Variants in EDIL3 observed in about 807,000 individuals in gnomAD.
The protein encoded by EDIL3 is EGF like and discoidin domains 3, also known as EGF-like repeat and discoidin I-like domain-containing protein 3.
EDIL3 carries 37 observed loss-of-function variants against 67.4 expected under a neutral mutation model. The ratio of observed to expected loss-of-function variants is 0.55; its 90% CI spans 0.42 to 0.72. The LOEUF (loss-of-function observed/expected upper bound fraction) is 0.72. EDIL3 is among the 30% of genes least tolerant of loss of function. EDIL3 has a pLI of 0.00. For missense variants in EDIL3, 527 were observed against 586.3 expected, an observed-to-expected ratio of 0.90 and a Z score of 1.04; for synonymous variants, 195 against 196.3, an observed-to-expected ratio of 0.99 and a Z score of 0.05.
At chr5:84,323,000 A>C (rs1480443124) in intron 1 of EDIL3, among the ~76,000 whole-genome samples, 2 of 152,008 alleles carry the variant, frequency 1.3e-5, no homozygotes, top group African/African-American at 4.8e-5. Context: ...ATTGACACAT[A>C]TCCAGATCAA....
rs1049536330 is a variant in EDIL3, at chr5:83,985,325, GA to G, written c.1138-21966del. 1.6e-4 allele frequency among the ~76,000 whole-genome samples: 25 copies of G among 151,650 alleles called. No homozygotes were observed. In the East Asian group the frequency reaches 1.7e-3, roughly 11 times the overall value. ...AAGTCTTGGTGAGGCATAACTGCTG[GA>G]AAAAAAATGTATATTTTTGTATCAA... On this transcript the variant is annotated intron_variant, in intron 9 of 10. Coordinates refer to ENST00000296591, the MANE Select transcript of EDIL3 (RefSeq NM_005711.5).
intron 9 of EDIL3, among the ~76,000 whole-genome samples, chr5:83,971,597 T>A (rs1400366402): frequency 6.6e-6 from 1 of 151,516 alleles, no homozygotes; most frequent in Admixed American, 6.6e-5. Flanking sequence ...CCACTTAAAA[T>A]TTTTTTTTCA....
intron 3 of EDIL3, among the ~76,000 whole-genome samples, chr5:84,184,031 G>A (rs183437170): frequency 3.2e-4 from 48 of 152,212 alleles, no homozygotes; most frequent in African/African-American, 1.0e-3. Flanking sequence ...GCTTTAACCC[G>A]GGAGATGGTG....
chr5:84,018,553 G>C (rs1745649764), intron 9 of EDIL3, among the ~76,000 whole-genome samples: 1 of 152,090 alleles, frequency 6.6e-6, no homozygotes, highest in Admixed American at 6.6e-5. Flanking sequence ...CTACTATCAA[G>C]AGTCAAAAAG....
At chr5:84,145,777 A>G (rs142975535) in intron 4 of EDIL3, among the ~76,000 whole-genome samples, 138 of 151,938 alleles carry the variant, frequency 9.1e-4, no homozygotes, top group African/African-American at 3.2e-3. Flanking sequence ...AATATTTGAG[A>G]CATATTTATA....
chr5:83,965,864 T>C (rs967158504), intron 9 of EDIL3, among the ~76,000 whole-genome samples: 3 of 152,042 alleles, frequency 2.0e-5, no homozygotes, highest in Non-Finnish European at 4.4e-5. Context: ...GATTTTGTCC[T>C]AAAATTTGCG....
intron 6 of EDIL3, among the ~76,000 whole-genome samples, chr5:84,073,796 T>C (rs371276946): frequency 4.6e-5 from 7 of 151,656 alleles, no homozygotes; most frequent in African/African-American, 9.7e-5. Flanking sequence ...AGATTCAATG[T>C]CATCCCCATC....
chr5:84,130,661 C>A (rs1218779915), intron 5 of EDIL3, among the ~76,000 whole-genome samples: 4 of 151,990 alleles, frequency 2.6e-5, no homozygotes, highest in Non-Finnish European at 5.9e-5. Flanking sequence ...TAATCTCTGA[C>A]CACTTTTTAA....
At chr5:84,289,434 CTTA>C (rs1745871967) in intron 1 of EDIL3, among the ~76,000 whole-genome samples, 1 of 152,150 alleles carries the variant, frequency 6.6e-6, no homozygotes, top group Non-Finnish European at 1.5e-5. Flanking sequence ...CCTCTGAGTT[CTTA>C]TTATTTCCAT....
chr5:84,195,337 T>C (rs1743684095), intron 3 of EDIL3, among the ~76,000 whole-genome samples: 1 of 151,956 alleles, frequency 6.6e-6, no homozygotes, highest in Admixed American at 6.6e-5. Flanking sequence ...TTAAATACAG[T>C]AGGTCTGAAC....
At chr5:84,161,554 C>A (rs1008960952) in intron 4 of EDIL3, among the ~76,000 whole-genome samples, 15 of 152,042 alleles carry the variant, frequency 9.9e-5, no homozygotes, top group Admixed American at 8.5e-4. Context: ...TGAATCAAAT[C>A]TTGAGGAAGC....
At chr5:84,174,349 G>C (rs1748863239) in intron 4 of EDIL3, among the ~76,000 whole-genome samples, 2 of 152,264 alleles carry the variant, frequency 1.3e-5, no homozygotes, top group Admixed American at 1.3e-4. Flanking sequence ...ACTATATATT[G>C]GACAAATAAG....
At chr5:83,996,925 T>C (rs2112165219) in intron 9 of EDIL3, among the ~76,000 whole-genome samples, 1 of 152,324 alleles carries the variant, frequency 6.6e-6, no homozygotes, top group Admixed American at 6.5e-5. Context: ...AATTCATACA[T>C]ACATTTAAGT....
chr5:84,031,290 T>A (rs1047053656), intron 9 of EDIL3, among the ~76,000 whole-genome samples: 1 of 152,250 alleles, frequency 6.6e-6, no homozygotes, highest in South Asian at 2.1e-4. Flanking sequence ...GCTGATTTTT[T>A]AAAATATGAA....
intron 5 of EDIL3, among the ~76,000 whole-genome samples, chr5:84,119,211 G>GT (rs1747726886): frequency 1.3e-3 from 65 of 49,378 alleles, no homozygotes; most frequent in African/African-American, 3.8e-3. Flanking sequence ...ACATGCATTT[G>GT]GTTTTTTTTT....
At chr5:84,105,107 T>G (rs903455298) in intron 6 of EDIL3, among the ~76,000 whole-genome samples, 2 of 152,108 alleles carry the variant, frequency 1.3e-5, no homozygotes, top group Non-Finnish European at 2.9e-5. Context: ...TCTGGAATGA[T>G]TATTCATTAG....
At chr5:84,048,363 A>G (rs918574226) in intron 9 of EDIL3, 9 of 296,260 alleles carry the variant, frequency 3.0e-5, no homozygotes, top group African/African-American at 1.8e-4. Flanking sequence ...TAAAAATCTG[A>G]CATGGACTAA....
At chr5:84,105,658 C>T (rs1370105988) in intron 6 of EDIL3, among the ~76,000 whole-genome samples, 1 of 151,934 alleles carries the variant, frequency 6.6e-6, no homozygotes, top group African/African-American at 2.4e-5. Flanking sequence ...AAGGCTAATA[C>T]CTTTTAGTAT....
intron 10 of EDIL3, among the ~76,000 whole-genome samples, chr5:83,944,355 T>C (rs560993948): frequency 6.6e-6 from 1 of 151,980 alleles, no homozygotes; most frequent in South Asian, 2.1e-4. Context: ...CCTGACCCTT[T>C]GCATTGCACG....
Sources: gnomAD v4.1 joint callset for allele counts (sites outside exome capture counted in the v4.1 genomes callset) on GRCh38, gnomAD v4.1.1 for gene constraint, MANE v1.5 for transcripts, NCBI Gene and HGNC (gene_info 2026-07-23, HGNC 2026-07-21) for gene names.